The following RC3H1 variants were observed in gnomAD, a reference collection of about 807,000 sequenced individuals.
RC3H1 encodes roquin-1.
In RC3H1, 50 loss-of-function variants were observed where a neutral mutation model predicts 138.2. The observed-to-expected ratio is 0.36, with a 90% CI of 0.29 to 0.46. RC3H1 has a LOEUF of 0.46. Among genes scored for constraint, RC3H1 ranks in the 20% least tolerant of loss-of-function variants. The probability of loss-of-function intolerance (pLI) is 1.00; values close to 1 mark genes in which losing one functional copy is unlikely to be tolerated. For synonymous variants in RC3H1, 462 were observed against 489.1 expected, an observed-to-expected ratio of 0.94 and a Z score of 0.73; for missense variants, 1,031 against 1,388.1, an observed-to-expected ratio of 0.74 and a Z score of 4.09.
In RC3H1 at chr1:173,988,234, C is replaced by T. The variant is rs985284978; in HGVS notation, c.232-3615G>A. On this transcript the variant is annotated intron_variant, in intron 2 of 19. Coordinates refer to ENST00000367696, the MANE Select transcript of RC3H1 (RefSeq NM_172071.4). Reference sequence around the variant, plus strand: ...AATACTGTTTCACCAATTCTATCCTCCCTCCCTACTCCTGAATCCATGGCA... The same window carrying T: ...AATACTGTTTCACCAATTCTATCCTTCCTCCCTACTCCTGAATCCATGGCA... Among the ~76,000 whole-genome samples the T allele has an allele frequency of 2.6e-5, 4 of 151,956 alleles. No individual in the cohort carries two copies. In the East Asian group the frequency reaches 7.7e-4, roughly 29 times the overall value.
At chr1:173,994,074 G>A (rs1427507904) in intron 1 of RC3H1, among the ~76,000 whole-genome samples, 2 of 148,244 alleles carry the variant, frequency 1.3e-5, no homozygotes, top group African/African-American at 5.0e-5. Flanking sequence ...TAGAGGGAGG[G>A]AAGAATTACT....
At chr1:174,019,296 G>A (rs76390087) in intron 1 of RC3H1, among the ~76,000 whole-genome samples, 4,524 of 152,198 alleles carry the variant, frequency 0.03, 218 homozygotes, top group African/African-American at 0.098. Context: ...TGATAATAGG[G>A]TAAGTTCACA....
chr1:173,936,730 CATATATATATATATATAT>C lies in RC3H1; in HGVS notation c.*1973_*1990del, dbSNP rs1210669077. The C allele has an allele frequency of 1.9e-3, 89 of 46,788 alleles. 1 individual carries two copies. Among genetic ancestry groups the C allele is most frequent in the African/African-American group, 8.0e-3 (82 of 10,304 alleles). The allele number at this position is 46,788 out of a possible 1,614,324, so 2.9% of individuals were successfully genotyped here. A position where few individuals can be genotyped will look rare whatever the true frequency, so the allele number is the denominator to read the frequency against. Reference sequence around the variant, plus strand: ...AGCCAAAAAAAAAAGAAAAAGCATACATATATATATATATATATATATATATATATATTTTTTTTTTTT... The same window carrying C: ...AGCCAAAAAAAAAAGAAAAAGCATACATATATATATATATTTTTTTTTTTT... On this transcript the variant is annotated 3_prime_UTR_variant, in exon 20 of 20. Transcript: ENST00000367696.
intron 1 of RC3H1, among the ~76,000 whole-genome samples, chr1:174,019,598 T>C (rs554334528): frequency 6.6e-6 from 1 of 152,222 alleles, no homozygotes; most frequent in Non-Finnish European, 1.5e-5. Context: ...TACCCTTTTT[T>C]ATTTCTTCAA....
rs1660875536 is a variant in RC3H1 at position 173,982,787 on chromosome 1, T to C, written c.708A>G (p.Gln236=). 2.5e-6 allele frequency: 4 copies of C among 1,613,716 alleles called. No homozygotes were observed. The highest frequency in any genetic ancestry group is 3.4e-6 in the Non-Finnish European group (4 of 1,179,858). ...VVQRLEPRFP[Q]ASKTSIGHVV... ...CATGCCCAATGCTAGTTTTAGAGGCTTGAGGAAACCGTGGCTCCAATCTTT... is the reference window on the plus strand; with the variant it reads ...CATGCCCAATGCTAGTTTTAGAGGCCTGAGGAAACCGTGGCTCCAATCTTT... The change falls in exon 5 of 20, where the codon CAA becomes CAG. Residue 236 remains glutamine, a synonymous_variant. Transcript: ENST00000367696.
At chr1:173,994,974 T>C (rs1444709501) in intron 1 of RC3H1, among the ~76,000 whole-genome samples, 2 of 152,204 alleles carry the variant, frequency 1.3e-5, no homozygotes, top group Admixed American at 6.5e-5. Flanking sequence ...TCACTAAACA[T>C]ATAAACAGCA....
chr1:173,978,713 A>C, intron 6 of RC3H1, 93 bp from the exon 7 acceptor site: 1 of 1,342,460 alleles, frequency 7.4e-7, no homozygotes, highest in Non-Finnish European at 1.0e-6. Flanking sequence ...CGATTTATTA[A>C]ATTTAATTTT....
chr1:173,975,109 G>GT (rs1285052534), intron 7 of RC3H1, among the ~76,000 whole-genome samples: 6 of 151,958 alleles, frequency 3.9e-5, no homozygotes, highest in African/African-American at 1.5e-4. Context: ...GTTTTGTTTT[G>GT]TTTTTTTGAT....
chr1:173,944,807 C>T (rs1055657950), intron 17 of RC3H1, among the ~76,000 whole-genome samples: 6 of 152,200 alleles, frequency 3.9e-5, no homozygotes, highest in East Asian at 1.9e-4. Flanking sequence ...AATCTAATTG[C>T]GTACATAGGG....
In RC3H1 at chr1:173,989,710, GTTTTTTTTTT is replaced by G. The variant is rs372808172; in HGVS notation, c.231+3035_231+3044del. Among the ~76,000 whole-genome samples the G allele has an allele frequency of 2.0e-4, 21 of 103,232 alleles. No individual in the cohort carries two copies. The East Asian group carries it at 5.6e-3, about 28-fold the overall frequency. 67.7% of individuals were successfully genotyped at this position (103,232 alleles called of 152,430 possible). ...GTTAATAGAGTAAATGTTTATTCAA[GTTTTTTTTTT>G]TTTTTTTTTTTTTTTTTGAGACGGA... On this transcript the variant is annotated intron_variant, in intron 2 of 19. Coordinates refer to ENST00000367696, the MANE Select transcript of RC3H1 (RefSeq NM_172071.4).
At chr1:173,974,622 G>A (rs1272725763) in intron 7 of RC3H1, among the ~76,000 whole-genome samples, 1 of 151,452 alleles carries the variant, frequency 6.6e-6, no homozygotes, top group East Asian at 1.9e-4. Context: ...TGCCTGGCAT[G>A]TTGCATGGAG....
At chr1:173,962,175 C>T (rs895004712) in intron 11 of RC3H1, 80 bp from the exon 12 acceptor site, 6 of 1,255,542 alleles carry the variant, frequency 4.8e-6, no homozygotes, top group Non-Finnish European at 6.6e-6. Flanking sequence ...TTTTAAAATA[C>T]TGAAACACTA....
At chr1:173,981,393 T>G (rs758501246) in intron 5 of RC3H1, among the ~76,000 whole-genome samples, 1 of 152,212 alleles carries the variant, frequency 6.6e-6, no homozygotes, top group Non-Finnish European at 1.5e-5. Flanking sequence ...CATGTGAGCA[T>G]CATGTTGGTG....
At chr1:174,017,804 A>AAAC (rs1661889477) in intron 1 of RC3H1, among the ~76,000 whole-genome samples, 1 of 145,070 alleles carries the variant, frequency 6.9e-6, no homozygotes, top group Non-Finnish European at 1.5e-5. Flanking sequence ...AAAAAAAAAA[A>AAAC]AAAAAACTGC....
At chr1:173,953,145 T>C (rs955665461) in intron 13 of RC3H1, among the ~76,000 whole-genome samples, 8 of 152,310 alleles carry the variant, frequency 5.3e-5, no homozygotes, top group African/African-American at 1.9e-4. Context: ...TCTGTCTCTA[T>C]TATTCATAAC....
chr1:173,961,271 T>C, intron 12 of RC3H1, 27 bp from the exon 13 acceptor site: 1 of 1,587,020 alleles, frequency 6.3e-7, no homozygotes, highest in Non-Finnish European at 8.6e-7. Flanking sequence ...TAGTTAAAAT[T>C]GAAAGAGAAT....
chr1:173,955,054 G>A (rs1659572823), intron 13 of RC3H1, among the ~76,000 whole-genome samples: 1 of 151,276 alleles, frequency 6.6e-6, no homozygotes, highest in Non-Finnish European at 1.5e-5. Context: ...GTGAAACCCT[G>A]TTCCTACTAA....
chr1:173,942,988 T>A (rs1438587352), intron 18 of RC3H1, among the ~76,000 whole-genome samples: 1 of 152,188 alleles, frequency 6.6e-6, no homozygotes, highest in African/African-American at 2.4e-5. Flanking sequence ...GCATACATAA[T>A]GGATACAGGA....
chr1:173,993,724 T>A (rs1199902093), intron 1 of RC3H1, among the ~76,000 whole-genome samples: 1 of 147,292 alleles, frequency 6.8e-6, no homozygotes, highest in Non-Finnish European at 1.5e-5. Flanking sequence ...TAAATATATC[T>A]AAAAAATAAT....
Sources: allele counts gnomAD v4.1 joint callset (sites outside exome capture counted in the v4.1 genomes callset), GRCh38; gene constraint gnomAD v4.1.1; transcripts MANE v1.5; gene names NCBI Gene and HGNC (gene_info 2026-07-23, HGNC 2026-07-21).